GSE1: variants seen among roughly 807,000 people sequenced by gnomAD.
The protein encoded by GSE1 is genetic suppressor element 1.
In GSE1, 32 loss-of-function variants were observed where a neutral mutation model predicts 112.6. The ratio of observed to expected loss-of-function variants is 0.28; its 90% CI spans 0.21 to 0.38. GSE1 has a LOEUF of 0.38. Among genes scored for constraint, GSE1 ranks in the 10% least tolerant of loss-of-function variants. The probability of loss-of-function intolerance (pLI) is 1.00; values close to 1 mark genes in which losing one functional copy is unlikely to be tolerated. For synonymous variants in GSE1, 1,115 were observed against 735.6 expected (o/e 1.52, Z -8.35); for missense variants, 2,348 against 1,699.2 (o/e 1.38, Z -6.71).
chr16:85,556,938 G>A (rs1374966808), intron 1 of GSE1, among the ~76,000 whole-genome samples: 1 of 152,032 alleles, frequency 6.6e-6, no homozygotes, highest in African/African-American at 2.4e-5. Context: ...ATTTGGCGTG[G>A]CTTCCTGTTT....
intron 1 of GSE1, among the ~76,000 whole-genome samples, chr16:85,559,304 A>T (rs1167622094): frequency 1.3e-5 from 2 of 152,216 alleles, no homozygotes; most frequent in African/African-American, 4.8e-5. Context: ...GCAATTGCCC[A>T]GCTTGGGAGT....
intron 2 of GSE1, among the ~76,000 whole-genome samples, chr16:85,488,106 C>T (rs2050900625): frequency 6.6e-6 from 1 of 152,178 alleles, no homozygotes; most frequent in Non-Finnish European, 1.5e-5. Flanking sequence ...GGCCATGCTT[C>T]CCTCTGCAGC....
intron 1 of GSE1, among the ~76,000 whole-genome samples, chr16:85,184,102 G>A (rs60988205): frequency 0.16 from 24,694 of 152,214 alleles, 2,125 homozygotes; most frequent in Non-Finnish European, 0.19. Context: ...TGATGTGTCA[G>A]GAAGGAATGA....
At chr16:85,283,337 C>T (rs1022505903) in intron 1 of GSE1, 1 of 152,746 alleles carries the variant, frequency 6.5e-6, no homozygotes, top group African/African-American at 2.4e-5. Context: ...CTTGCTCACT[C>T]GGGCTCTCCG....
rs1295844120 is a variant in GSE1, at chr16:85,675,446, G to A, written c.*2907G>A. 1 of 152,212 alleles carries A rather than the reference G, an allele frequency of 6.6e-6. No individual in the cohort carries two copies. Among genetic ancestry groups the A allele is most frequent in the Non-Finnish European group, 1.5e-5 (1 of 68,046 alleles). 9.4% of individuals were successfully genotyped at this position (152,212 alleles called of 1,614,324 possible). On this transcript the variant is annotated 3_prime_UTR_variant, in exon 16 of 16. Transcript: ENST00000253458. ...TCTGTTGTCTCAGATAAGTGACCAA[G>A]ACGGGACTTTCCACATTTTAGTCTA...
intron 1 of GSE1, among the ~76,000 whole-genome samples, chr16:85,184,360 A>G (rs1387346364): frequency 1.3e-5 from 2 of 152,166 alleles, no homozygotes; most frequent in Admixed American, 6.5e-5. Context: ...TTGATCTTGT[A>G]TTCCCTAGGG....
intron 2 of GSE1, among the ~76,000 whole-genome samples, chr16:85,397,490 G>A (rs943165434): frequency 2.6e-5 from 4 of 152,314 alleles, no homozygotes; most frequent in East Asian, 1.9e-4. Context: ...GGCTTGTCAC[G>A]GTACTAAATC....
intron 1 of GSE1, among the ~76,000 whole-genome samples, chr16:85,225,501 C>T (rs956539622): frequency 1.3e-5 from 2 of 152,192 alleles, no homozygotes; most frequent in African/African-American, 4.8e-5. Flanking sequence ...ACTTAGCTCA[C>T]ACTCCGTGAG....
chr16:85,485,865 C>T (rs890731125), intron 2 of GSE1, among the ~76,000 whole-genome samples: 1 of 152,184 alleles, frequency 6.6e-6, no homozygotes. Flanking sequence ...AGCTGCTGCT[C>T]CGGGAAACAC....
intron 2 of GSE1, among the ~76,000 whole-genome samples, chr16:85,497,890 G>T (rs1032907105): frequency 6.6e-6 from 1 of 152,166 alleles, no homozygotes; most frequent in East Asian, 1.9e-4. Flanking sequence ...TGGCGCTCTT[G>T]TTATCCCCTT....
chr16:85,492,171 T>C (rs2051030598), intron 2 of GSE1, among the ~76,000 whole-genome samples: 1 of 152,174 alleles, frequency 6.6e-6, no homozygotes, highest in East Asian at 1.9e-4. Context: ...AGAACCAGCT[T>C]TTTGGCGGGG....
At chr16:85,239,490 C>T (rs982189058) in intron 1 of GSE1, among the ~76,000 whole-genome samples, 8 of 152,194 alleles carry the variant, frequency 5.3e-5, no homozygotes, top group African/African-American at 1.4e-4. Flanking sequence ...TGTCCTTGCA[C>T]GGCTGCCCTG....
chr16:85,382,003 C>A (rs1188255749), intron 2 of GSE1, among the ~76,000 whole-genome samples: 1 of 152,226 alleles, frequency 6.6e-6, no homozygotes, highest in Non-Finnish European at 1.5e-5. Context: ...TGCAGGCTGT[C>A]AGCCAAGCTG....
At chr16:85,519,784 C>A (rs540398716) in intron 2 of GSE1, among the ~76,000 whole-genome samples, 204 of 152,300 alleles carry the variant, frequency 1.3e-3, no homozygotes, top group Non-Finnish European at 2.0e-3. Flanking sequence ...GTTGTCATCA[C>A]CACAACCAGC....
At chr16:85,658,134 C>T (rs1407613485) in intron 8 of GSE1, among the ~76,000 whole-genome samples, 1 of 152,242 alleles carries the variant, frequency 6.6e-6, no homozygotes, top group Non-Finnish European at 1.5e-5. Context: ...CCCTTGGACC[C>T]CGGCTGCAGA....
chr16:85,541,699 C>A (rs1286416983), intron 2 of GSE1, among the ~76,000 whole-genome samples: 1 of 152,232 alleles, frequency 6.6e-6, no homozygotes, highest in Non-Finnish European at 1.5e-5. Context: ...GAAGGGCTGT[C>A]TGGAGGACAG....
chr16:85,556,838 C>T (rs1313272197), intron 1 of GSE1, among the ~76,000 whole-genome samples: 1 of 149,626 alleles, frequency 6.7e-6, no homozygotes, highest in Non-Finnish European at 1.5e-5. Flanking sequence ...GCTCGCCGGC[C>T]CCCCCGCCGC....
chr16:85,438,273 C>T (rs1242051289), intron 2 of GSE1, among the ~76,000 whole-genome samples: 1 of 152,160 alleles, frequency 6.6e-6, no homozygotes, highest in Non-Finnish European at 1.5e-5. Flanking sequence ...TCAGCCCAGC[C>T]CGGGGGACCT....
Position 85,661,202 on chromosome 16 carries a change from G to C in GSE1, c.1697G>C (p.Gly566Ala). 1 of 1,606,248 alleles carries C rather than the reference G, an allele frequency of 6.2e-7. No individual in the cohort carries two copies. Among genetic ancestry groups the C allele is most frequent in the Non-Finnish European group, 8.5e-7 (1 of 1,174,664 alleles). Residue 566 changes from glycine to alanine, a missense_variant, in exon 9 of 16, where the codon GGG (glycine) becomes GCG (alanine). Coordinates refer to ENST00000253458, the MANE Select transcript of GSE1 (RefSeq NM_014615.5). ...GGRDPPQHFG[G>A]PPPLISPKPQ... ...CGTGACCCTCCGCAGCACTTTGGGG[G>C]GCCACCACCTCTGATTTCGCCCAAG...
Sources: gnomAD v4.1 joint callset for allele counts (sites outside exome capture counted in the v4.1 genomes callset) on GRCh38, gnomAD v4.1.1 for gene constraint, MANE v1.5 for transcripts, NCBI Gene and HGNC (gene_info 2026-07-23, HGNC 2026-07-21) for gene names.